ATP11A: variants seen among roughly 807,000 people sequenced by gnomAD.
ATP11A encodes the protein ATPase phospholipid transporting 11A, also known as phospholipid-transporting ATPase IH.
Under a neutral mutation model 154.4 loss-of-function variants are expected in ATP11A, and 81 were observed. The ratio of observed to expected loss-of-function variants is 0.52; its 90% CI spans 0.44 to 0.63. The LOEUF is 0.63. Among genes scored for constraint, ATP11A ranks in the 30% least tolerant of loss-of-function variants. The pLI is 0.00. For missense variants in ATP11A, 1,316 were observed against 1,474.3 expected (o/e 0.89, Z 1.76); for synonymous variants, 623 against 585.9 (o/e 1.06, Z -0.91).
At chr13:112,846,463 C>T (rs928146683) in intron 17 of ATP11A, among the ~76,000 whole-genome samples, 4 of 152,304 alleles carry the variant, frequency 2.6e-5, no homozygotes, top group South Asian at 2.1e-4. Flanking sequence ...CTAGAAATTC[C>T]GCCAGCGTGG....
At chr13:112,814,186 C>G (rs1439106901) in intron 5 of ATP11A, among the ~76,000 whole-genome samples, 3 of 152,092 alleles carry the variant, frequency 2.0e-5, no homozygotes, top group African/African-American at 7.2e-5. Flanking sequence ...GCCTCAGCCT[C>G]CCAAGTAGCT....
intron 18 of ATP11A, 64 bp from the exon 19 acceptor site, chr13:112,854,215 T>C: frequency 6.5e-7 from 1 of 1,538,268 alleles, no homozygotes; most frequent in South Asian, 1.2e-5. Context: ...CTGCAGTTCC[T>C]TATTTGGATT....
At chr13:112,831,933 A>G (rs282618) in intron 13 of ATP11A, among the ~76,000 whole-genome samples, 55,815 of 150,174 alleles carry the variant, frequency 0.37, 11,662 homozygotes, top group African/African-American at 0.57. Context: ...GCACACACAG[A>G]CACACATGCA....
intron 26 of ATP11A, 92 bp downstream of exon 26, chr13:112,871,892 C>T: frequency 7.4e-7 from 1 of 1,348,904 alleles, no homozygotes; most frequent in Non-Finnish European, 1.1e-6. Flanking sequence ...AATTATAACT[C>T]TGTACTGAGG....
chr13:112,763,083 A>G (rs2076998885), intron 1 of ATP11A, among the ~76,000 whole-genome samples: 1 of 152,230 alleles, frequency 6.6e-6, no homozygotes, highest in African/African-American at 2.4e-5. Flanking sequence ...GCGTCCAGGG[A>G]GTTGAGTATA....
intron 1 of ATP11A, among the ~76,000 whole-genome samples, chr13:112,718,662 C>G (rs1888785797): frequency 7.5e-6 from 1 of 133,284 alleles, no homozygotes; most frequent in Non-Finnish European, 1.6e-5. Flanking sequence ...GGTGGGCTTG[C>G]AGGCTGCACT....
chr13:112,695,124 A>G (rs897333602), intron 1 of ATP11A, among the ~76,000 whole-genome samples: 14 of 152,200 alleles, frequency 9.2e-5, no homozygotes, highest in African/African-American at 3.4e-4. Flanking sequence ...TTCCTAATCC[A>G]GGATTAGACG....
intron 18 of ATP11A, chr13:112,851,892 A>G (rs1395601258): frequency 1.3e-5 from 2 of 152,236 alleles, no homozygotes; most frequent in Non-Finnish European, 1.5e-5. Context: ...CTTTCCAAAT[A>G]CTGGTATTAC....
intron 2 of ATP11A, among the ~76,000 whole-genome samples, chr13:112,790,633 C>T (rs1310715166): frequency 6.6e-6 from 1 of 151,274 alleles, no homozygotes. Context: ...CTCCTTAATC[C>T]ACACCGGGTG....
At chr13:112,826,653 C>G in intron 11 of ATP11A, 41 bp from the exon 12 acceptor site, 1 of 1,573,764 alleles carries the variant, frequency 6.4e-7, no homozygotes. Context: ...CCTGCTGTCC[C>G]TCCTGGTGGA....
At chr13:112,797,979 G>A (rs899230230) in intron 2 of ATP11A, among the ~76,000 whole-genome samples, 2 of 152,208 alleles carry the variant, frequency 1.3e-5, no homozygotes, top group Admixed American at 1.3e-4. Flanking sequence ...TTTGGTGTCT[G>A]GTGAGGGCCC....
At chr13:112,735,421 C>T (rs985269040) in intron 1 of ATP11A, among the ~76,000 whole-genome samples, 2 of 152,206 alleles carry the variant, frequency 1.3e-5, no homozygotes, top group African/African-American at 4.8e-5. Flanking sequence ...AATTACAGAA[C>T]CCACAGCCGT....
chr13:112,799,228 C>T (rs187364221), intron 2 of ATP11A, among the ~76,000 whole-genome samples: 4 of 152,324 alleles, frequency 2.6e-5, no homozygotes, highest in African/African-American at 4.8e-5. Context: ...GACCTCTGTC[C>T]ACAGGCAGAA....
intron 1 of ATP11A, among the ~76,000 whole-genome samples, chr13:112,766,144 G>A (rs2077071861): frequency 6.6e-6 from 1 of 152,156 alleles, no homozygotes; most frequent in East Asian, 1.9e-4. Flanking sequence ...CCACCTGCTT[G>A]AGGAAGGAAC....
intron 2 of ATP11A, among the ~76,000 whole-genome samples, chr13:112,803,043 A>G (rs2078180824): frequency 6.6e-6 from 1 of 152,176 alleles, no homozygotes; most frequent in African/African-American, 2.4e-5. Flanking sequence ...GGGAACTGAA[A>G]ATATGGCCGT....
chr13:112,802,148 A>T (rs558832584), intron 2 of ATP11A, among the ~76,000 whole-genome samples: 5 of 152,156 alleles, frequency 3.3e-5, no homozygotes, highest in East Asian at 1.9e-4. Context: ...ATTGAGACCA[A>T]CCTGGCCAAC....
At chr13:112,871,209 G>A (rs1313047609) in intron 25 of ATP11A, among the ~76,000 whole-genome samples, 3 of 152,226 alleles carry the variant, frequency 2.0e-5, no homozygotes, top group Non-Finnish European at 2.9e-5. Flanking sequence ...GCAGGCAGGA[G>A]TCTGAGCTGA....
intron 1 of ATP11A, among the ~76,000 whole-genome samples, chr13:112,737,106 C>T (rs540569018): frequency 9.9e-5 from 15 of 152,188 alleles, no homozygotes; most frequent in Non-Finnish European, 8.8e-5. Flanking sequence ...GAACAAACAA[C>T]ATGGGTGACT....
At chr13:112,874,487 C>T (rs186735742) in intron 27 of ATP11A, among the ~76,000 whole-genome samples, 66 of 152,282 alleles carry the variant, frequency 4.3e-4, no homozygotes, top group Middle Eastern at 3.4e-3. Flanking sequence ...AGCCAGGAAA[C>T]GACGCTGAGT....
Sources: gnomAD v4.1 joint callset for allele counts (sites outside exome capture counted in the v4.1 genomes callset) on GRCh38, gnomAD v4.1.1 for gene constraint, MANE v1.5 for transcripts, NCBI Gene and HGNC (gene_info 2026-07-23, HGNC 2026-07-21) for gene names.